GDA: variants seen among roughly 807,000 people sequenced by gnomAD.
GDA encodes the protein cytoplasmic PSD-95 interactor.
GDA carries 18 observed loss-of-function variants against 59.6 expected under a neutral mutation model. That is an observed-to-expected ratio of 0.30 (90% CI 0.21 to 0.45). GDA has a LOEUF of 0.45. Among genes scored for constraint, GDA ranks in the 20% least tolerant of loss-of-function variants. The pLI is 1.00. For missense variants in GDA, 427 were observed against 552.3 expected, an observed-to-expected ratio of 0.77 and a Z score of 2.27; for synonymous variants, 201 against 201.1, an observed-to-expected ratio of 1.00 and a Z score of 0.00.
intron 1 of GDA, among the ~76,000 whole-genome samples, chr9:72,126,747 A>G (rs1343878684): frequency 1.3e-5 from 2 of 151,874 alleles, no homozygotes; most frequent in African/African-American, 4.8e-5. Context: ...TTGTAATTTT[A>G]GTAGAGACGG....
intron 1 of GDA, among the ~76,000 whole-genome samples, chr9:72,142,790 C>T (rs538983563): frequency 5.3e-5 from 8 of 151,908 alleles, no homozygotes; most frequent in East Asian, 3.9e-4. Flanking sequence ...TTTATTGAGA[C>T]GGAGTTTTGC....
At chr9:72,140,809 C>T (rs1331066033) in intron 1 of GDA, among the ~76,000 whole-genome samples, 1 of 152,152 alleles carries the variant, frequency 6.6e-6, no homozygotes, top group East Asian at 1.9e-4. Flanking sequence ...TGACCTGAAT[C>T]CATGTAGTCT....
chr9:72,160,067 A>T (rs1310068851), intron 1 of GDA, among the ~76,000 whole-genome samples: 1 of 152,090 alleles, frequency 6.6e-6, no homozygotes, highest in Non-Finnish European at 1.5e-5. Context: ...TCGGAGGCCG[A>T]GGCGGGCGGA....
Position 72,157,729 on chromosome 9 carries a change from C to T in GDA, c.123+8047C>T, listed in dbSNP as rs562760083. The stretch of plus-strand genomic sequence containing the variant: ...CATGTATCTACTCTTCTATAACCAT[C>T]TATGGCTCACTATTGCCTCTAAGTT... On this transcript the variant is annotated intron_variant, in intron 1 of 13. Transcript: ENST00000358399. Among the ~76,000 whole-genome samples, 7 of 152,324 alleles carry T rather than the reference C, an allele frequency of 4.6e-5. No individual in the cohort carries two copies. In the East Asian group the frequency reaches 1.2e-3, roughly 25 times the overall value.
At chr9:72,132,845 G>A (rs1406027626) in intron 1 of GDA, among the ~76,000 whole-genome samples, 1 of 152,140 alleles carries the variant, frequency 6.6e-6, no homozygotes, top group African/African-American at 2.4e-5. Flanking sequence ...ACCCCCTTAT[G>A]CTGGGCAGTT....
At chr9:72,225,851 A>G (rs1312413614) in intron 8 of GDA, 67 bp downstream of exon 8, 4 of 679,236 alleles carry the variant, frequency 5.9e-6, no homozygotes, top group Non-Finnish European at 1.0e-5. Context: ...TAAAATCTCA[A>G]TAGTAATCTT....
chr9:72,217,457 C>T (rs1429942424), intron 5 of GDA, among the ~76,000 whole-genome samples: 3 of 152,306 alleles, frequency 2.0e-5, no homozygotes, highest in East Asian at 1.9e-4. Context: ...TAACACACTG[C>T]GTCGAATTAA....
intron 1 of GDA, among the ~76,000 whole-genome samples, chr9:72,149,976 C>T (rs1055055924): frequency 1.3e-5 from 2 of 152,148 alleles, no homozygotes; most frequent in East Asian, 3.9e-4. Context: ...CCCCCCGCTC[C>T]CCCGCCCCCC....
At chr9:72,190,240 C>T (rs574232304) in intron 1 of GDA, among the ~76,000 whole-genome samples, 28 of 152,260 alleles carry the variant, frequency 1.8e-4, no homozygotes, top group Admixed American at 5.9e-4. Context: ...AATTCTCCTG[C>T]CTCAGCCTCC....
downstream of GDA, among the ~76,000 whole-genome samples, chr9:72,254,459 CA>C (rs75871655): frequency 6.6e-6 from 1 of 150,862 alleles, no homozygotes; most frequent in African/African-American, 2.4e-5. Context: ...AAAAAAAAAA[CA>C]AAAAAACAAA....
At chr9:72,238,950 G>A (rs935127862) in intron 10 of GDA, among the ~76,000 whole-genome samples, 6 of 152,248 alleles carry the variant, frequency 3.9e-5, no homozygotes, top group East Asian at 1.9e-4. Context: ...TCAAAGGTCC[G>A]CAAAGCAAAA....
At chr9:72,203,621 T>C (rs755525490) in intron 3 of GDA, among the ~76,000 whole-genome samples, 12 of 152,150 alleles carry the variant, frequency 7.9e-5, no homozygotes, top group Non-Finnish European at 1.8e-4. Context: ...TGTCTGATCA[T>C]TATGTCCTGG....
upstream of GDA, among the ~76,000 whole-genome samples, chr9:72,147,383 T>C (rs1023248168): frequency 6.6e-6 from 1 of 152,154 alleles, no homozygotes; most frequent in South Asian, 2.1e-4. Flanking sequence ...AATTTTTGTA[T>C]TTTTAGTAGA....
chr9:72,177,943 G>A lies in GDA; in HGVS notation c.124-17557G>A, dbSNP rs1465088470. Among the ~76,000 whole-genome samples the A allele has an allele frequency of 7.9e-5, 12 of 152,274 alleles. No individual in the cohort carries two copies. In the East Asian group the frequency reaches 1.5e-3, roughly 20 times the overall value. ...TAGCTGTATAATTACATTTAGGTCC[G>A]ATTCCCACCTCGCTACTCTGTTGTC... On this transcript the variant is annotated intron_variant, in intron 1 of 13. Transcript: ENST00000358399.
chr9:72,245,997 T>G (rs1172668329), intron 12 of GDA, among the ~76,000 whole-genome samples: 1 of 152,160 alleles, frequency 6.6e-6, no homozygotes, highest in East Asian at 1.9e-4. Context: ...ATGTTAAAGA[T>G]TTTAAAAGAA....
At chr9:72,205,930 G>A (rs936774631) in intron 3 of GDA, among the ~76,000 whole-genome samples, 2 of 152,250 alleles carry the variant, frequency 1.3e-5, no homozygotes, top group African/African-American at 4.8e-5. Flanking sequence ...TACTATCAGT[G>A]TTTGTGTAGT....
intron 3 of GDA, 84 bp downstream of exon 3, chr9:72,202,826 G>A (rs896227192): frequency 3.6e-6 from 4 of 1,107,760 alleles, no homozygotes; most frequent in Admixed American, 4.2e-5. Context: ...AAATTATAAA[G>A]CATAAGCAGT....
intron 1 of GDA, among the ~76,000 whole-genome samples, chr9:72,158,659 T>C (rs1828235426): frequency 1.3e-5 from 2 of 152,246 alleles, no homozygotes; most frequent in Non-Finnish European, 2.9e-5. Flanking sequence ...AGATAGTGTG[T>C]TGTTATTATT....
intron 1 of GDA, among the ~76,000 whole-genome samples, chr9:72,120,757 T>A (rs2130572899): frequency 6.6e-6 from 1 of 152,340 alleles, no homozygotes; most frequent in Non-Finnish European, 1.5e-5. Flanking sequence ...TTTAAATTTT[T>A]CTACTCATAT....
Sources: gnomAD v4.1 joint callset for allele counts (sites outside exome capture counted in the v4.1 genomes callset) on GRCh38, gnomAD v4.1.1 for gene constraint, MANE v1.5 for transcripts, NCBI Gene and HGNC (gene_info 2026-07-23, HGNC 2026-07-21) for gene names.